The following IL5RA variants were observed in gnomAD, a reference collection of about 807,000 sequenced individuals.
IL5RA encodes the protein interleukin 5 receptor subunit alpha, also known as interleukin-5 receptor subunit alpha.
In IL5RA, 49 loss-of-function variants were observed where a neutral mutation model predicts 50.0. The observed-to-expected ratio is 0.98, with a 90% CI of 0.78 to 1.24. The LOEUF (loss-of-function observed/expected upper bound fraction) is 1.24, where lower values mean the gene tolerates loss of function less well. Among genes scored for constraint, IL5RA ranks in the 50% most tolerant of loss-of-function variants. IL5RA has a pLI of 0.00. For synonymous variants in IL5RA, 202 were observed against 174.0 expected, an observed-to-expected ratio of 1.16 and a Z score of -1.26; for missense variants, 600 against 500.4, an observed-to-expected ratio of 1.20 and a Z score of -1.90.
chr3:3,091,753 A>C (rs1474904403), intron 9 of IL5RA: 1 of 157,242 alleles, frequency 6.4e-6, no homozygotes, highest in African/African-American at 2.4e-5. Context: ...AAAAACAAAC[A>C]AACAAATGAG....
chr3:3,101,421 G>C (rs1411855739), intron 5 of IL5RA, among the ~76,000 whole-genome samples: 1 of 152,196 alleles, frequency 6.6e-6, no homozygotes, highest in East Asian at 1.9e-4. Flanking sequence ...TTGATCAGAA[G>C]TATTACTGAC....
chr3:3,081,089 T>G (rs1574981991), intron 9 of IL5RA, among the ~76,000 whole-genome samples: 2 of 152,212 alleles, frequency 1.3e-5, no homozygotes, highest in African/African-American at 4.8e-5. Context: ...TGTTAAATAA[T>G]GGAAAACAGA....
chr3:3,073,245 C>T (rs1015482476), intron 11 of IL5RA, among the ~76,000 whole-genome samples: 6 of 152,158 alleles, frequency 3.9e-5, no homozygotes, highest in South Asian at 2.1e-4. Context: ...AGTTTTTCCA[C>T]GAACGCTTTC....
intron 2 of IL5RA, among the ~76,000 whole-genome samples, chr3:3,106,247 G>A (rs1000439753): frequency 4.6e-5 from 7 of 152,164 alleles, no homozygotes; most frequent in Non-Finnish European, 1.0e-4. Context: ...TATTTAAGTG[G>A]CTTGGTATTT....
intron 9 of IL5RA, among the ~76,000 whole-genome samples, chr3:3,087,997 A>G (rs1702939327): frequency 1.3e-5 from 2 of 152,202 alleles, no homozygotes; most frequent in South Asian, 4.1e-4. Flanking sequence ...GGTGAGTAGT[A>G]ATATTAATCA....
intron 2 of IL5RA, among the ~76,000 whole-genome samples, chr3:3,107,348 C>T (rs1478513298): frequency 6.7e-6 from 1 of 148,644 alleles, no homozygotes; most frequent in Non-Finnish European, 1.5e-5. Context: ...TGCTCACTCT[C>T]TGTGGCCCCT....
At chr3:3,071,551 C>CTGTG (rs1559858771) in intron 11 of IL5RA, among the ~76,000 whole-genome samples, 147 of 126,476 alleles carry the variant, frequency 1.2e-3, no homozygotes, top group African/African-American at 4.3e-3. Flanking sequence ...TCTTCCTTCA[C>CTGTG]AGTGTGTGTG....
chr3:3,102,250 T>C (rs551945862), intron 4 of IL5RA, among the ~76,000 whole-genome samples: 10 of 152,216 alleles, frequency 6.6e-5, no homozygotes, highest in Non-Finnish European at 1.5e-4. Context: ...AGAAGCTAAA[T>C]GACTTGTCCC....
intron 5 of IL5RA, among the ~76,000 whole-genome samples, chr3:3,099,658 T>TTTTTTATTATTATTA (rs1553752865): frequency 1.4e-5 from 2 of 144,280 alleles, no homozygotes; most frequent in African/African-American, 5.1e-5. Context: ...TTTTATTTTA[T>TTTTTTATTATTATTA]TTATTATTAT....
intron 11 of IL5RA, chr3:3,073,861 T>A (rs1185682798): frequency 2.3e-6 from 1 of 434,554 alleles, no homozygotes; most frequent in Non-Finnish European, 4.6e-6. Context: ...AAAAAATCAC[T>A]TTTGGAGGCC....
At chr3:3,105,792 C>T (rs573834589) in intron 2 of IL5RA, among the ~76,000 whole-genome samples, 1 of 152,274 alleles carries the variant, frequency 6.6e-6, no homozygotes, top group African/African-American at 2.4e-5. Flanking sequence ...ACAAAAGTCT[C>T]GGCATCCTGT....
chr3:3,094,718 T>C (rs1027563306), intron 8 of IL5RA, among the ~76,000 whole-genome samples: 12 of 117,978 alleles, frequency 1.0e-4, no homozygotes, highest in African/African-American at 3.2e-4. Flanking sequence ...TTTTAGTTTT[T>C]TGTTTTTTTG....
chr3:3,092,252 C>G lies in IL5RA; in HGVS notation c.966G>C (p.Trp322Cys). ...VSSMCREAGLWSEWSQPIYVG... is the reference protein window; with the variant it reads ...VSSMCREAGLCSEWSQPIYVG... ...CATAAATAGGTTGGCTCCACTCACT[C>G]CAGAGCCCTGCCTCTCTGCACATGG... Residue 322 changes from tryptophan to cysteine, a missense_variant, in exon 9 of 12, where the codon TGG (tryptophan) becomes TGC (cysteine). Physicochemically the swap from Trp to Cys is radical, Grantham distance 215. Transcript: ENST00000446632. The surrounding 1 kb of genome is among the most constrained non-coding windows in gnomAD (Gnocchi z 4.2). 1 of 1,614,096 alleles carries G rather than the reference C, an allele frequency of 6.2e-7. No homozygotes were observed. The highest frequency in any genetic ancestry group is 8.5e-7 in the Non-Finnish European group (1 of 1,180,018).
chr3:3,070,036 G>T lies in IL5RA; in HGVS notation c.*189C>A, dbSNP rs961207961. The T allele has an allele frequency of 2.8e-5, 15 of 535,576 alleles. No homozygotes were observed. The highest frequency in any genetic ancestry group is 4.7e-5 in the Non-Finnish European group (14 of 297,918). 33.2% of individuals were successfully genotyped at this position (535,576 alleles called of 1,614,324 possible). The stretch of plus-strand genomic sequence containing the variant: ...ATGAGTCAACTTCCCTGCTGTAGGT[G>T]AGGCGATTTGGATGAAGCATCCATA... On this transcript the variant is annotated 3_prime_UTR_variant, in exon 12 of 12. Coordinates refer to ENST00000446632, the MANE Select transcript of IL5RA (RefSeq NM_175726.4).
At chr3:3,074,560 G>C (rs1702412405) in intron 11 of IL5RA, among the ~76,000 whole-genome samples, 2 of 152,102 alleles carry the variant, frequency 1.3e-5, no homozygotes, top group Non-Finnish European at 2.9e-5. Flanking sequence ...CTTAGACCCA[G>C]GTGTTTGAGA....
chr3:3,079,222 C>A (rs1036670837), intron 9 of IL5RA, among the ~76,000 whole-genome samples: 1 of 152,174 alleles, frequency 6.6e-6, no homozygotes, highest in African/African-American at 2.4e-5. Flanking sequence ...TATTCCTGGT[C>A]CTGCCTGACA....
At chr3:3,072,224 A>G (rs1004599328) in intron 11 of IL5RA, among the ~76,000 whole-genome samples, 3 of 152,092 alleles carry the variant, frequency 2.0e-5, no homozygotes, top group Non-Finnish European at 4.4e-5. Flanking sequence ...TCAGGTGGAG[A>G]ATTTAGGCCA....
At chr3:3,103,175 G>A (rs1157380646) in intron 3 of IL5RA, among the ~76,000 whole-genome samples, 1 of 152,078 alleles carries the variant, frequency 6.6e-6, no homozygotes, top group Non-Finnish European at 1.5e-5. Context: ...GAGCCACCAC[G>A]CCTGTCCTAG....
At position 3,096,661 on chromosome 3, in the gene IL5RA, C is replaced by G. The variant is rs188387780; in HGVS notation, c.709+1209G>C. 1.5e-3 allele frequency among the ~76,000 whole-genome samples: 222 copies of G among 152,096 alleles called. 3 individuals carry two copies. Among genetic ancestry groups the G allele is most frequent in the Non-Finnish European group, 1.5e-3 (104 of 67,974 alleles). ...ATTTTCATATTAATATCATTGTTTC[C>G]TAGGTCTTCCTCGGCATCTTTTATT... On this transcript the variant is annotated intron_variant, in intron 7 of 11. Coordinates refer to ENST00000446632, the MANE Select transcript of IL5RA (RefSeq NM_175726.4).
Sources: gnomAD v4.1 joint callset for allele counts (sites outside exome capture counted in the v4.1 genomes callset) on GRCh38, gnomAD v4.1.1 for gene constraint, Gnocchi (gnomAD v3.1) non-coding constraint, MANE v1.5 for transcripts, NCBI Gene and HGNC (gene_info 2026-07-23, HGNC 2026-07-21) for gene names.